The following ATP6V0A2 variants were observed in gnomAD, a reference collection of about 807,000 sequenced individuals.
The protein encoded by ATP6V0A2 is V-type proton ATPase 116 kDa subunit a 2.
Under a neutral mutation model 104.4 loss-of-function variants are expected in ATP6V0A2, and 58 were observed. That is an observed-to-expected ratio of 0.56 (90% CI 0.45 to 0.69). ATP6V0A2 has a LOEUF of 0.69. Among genes scored for constraint, ATP6V0A2 ranks in the 30% least tolerant of loss-of-function variants. The probability of loss-of-function intolerance (pLI) is 0.00; values close to 1 mark genes in which losing one functional copy is unlikely to be tolerated. For synonymous variants in ATP6V0A2, 376 were observed against 397.9 expected (o/e 0.95, Z 0.65); for missense variants, 938 against 1,062.9 (o/e 0.88, Z 1.63).
intron 2 of ATP6V0A2, among the ~76,000 whole-genome samples, chr12:123,720,047 A>C (rs1402543485): frequency 6.6e-6 from 1 of 152,066 alleles, no homozygotes; most frequent in Non-Finnish European, 1.5e-5. Flanking sequence ...CTTTGGGTCT[A>C]TTCTTCCTTT....
At chr12:123,757,477 A>G (rs561578082) in intron 19 of ATP6V0A2, among the ~76,000 whole-genome samples, 9 of 152,126 alleles carry the variant, frequency 5.9e-5, no homozygotes, top group South Asian at 2.1e-4. Context: ...AACTATTATC[A>G]CTGACAAGTA....
chr12:123,748,672 A>G lies in ATP6V0A2; in HGVS notation c.1822A>G (p.Lys608Glu), dbSNP rs942181771. The G allele has an allele frequency of 2.5e-5, 40 of 1,613,910 alleles. No homozygotes were observed. Among genetic ancestry groups the G allele is most frequent in the Non-Finnish European group, 2.8e-5 (33 of 1,179,952 alleles). The change falls in exon 15 of 20, where the codon AAG (lysine) becomes GAG (glutamate). Residue 608 changes from lysine to glutamate, a missense_variant. Physicochemically the swap from Lys to Glu is moderately conservative, Grantham distance 56 (BLOSUM62 1). Transcript: ENST00000330342. ...ATACCTTATATTTATGATTTTCTAC[A>G]AGTGGCTGGTTTTTTCAGCAGAAAC... is the stretch of plus-strand genomic sequence containing the variant. ...FGYLIFMIFY[K>E]WLVFSAETSR... is the part of the protein sequence containing the mutation.
chr12:123,756,707 T>C (rs1956767354), intron 18 of ATP6V0A2, 108 bp from the exon 19 acceptor site: 3 of 1,163,254 alleles, frequency 2.6e-6, no homozygotes, highest in African/African-American at 3.0e-5. Flanking sequence ...TATTATTTTA[T>C]GGGATAATAG....
intron 19 of ATP6V0A2, among the ~76,000 whole-genome samples, chr12:123,757,439 CAA>C (rs35359843): frequency 1.2e-4 from 18 of 149,146 alleles, no homozygotes; most frequent in Admixed American, 2.7e-4. Flanking sequence ...AACTCTGTGT[CAA>C]AAAAAAAAAA....
chr12:123,730,215 C>T (rs1229120470), intron 6 of ATP6V0A2, among the ~76,000 whole-genome samples: 7 of 151,726 alleles, frequency 4.6e-5, no homozygotes, highest in South Asian at 4.2e-4. Flanking sequence ...CCACCGCTCC[C>T]GGCTAATTTT....
intron 2 of ATP6V0A2, among the ~76,000 whole-genome samples, chr12:123,721,861 C>G (rs1044903452): frequency 5.9e-5 from 9 of 152,174 alleles, no homozygotes; most frequent in Non-Finnish European, 7.3e-5. Flanking sequence ...CTGATGGATG[C>G]CCTTTTCTTT....
chr12:123,759,725 C>G lies in ATP6V0A2; in HGVS notation c.*1693C>G, dbSNP rs10846553. 0.71 allele frequency: 107,218 copies of G among 152,058 alleles called. 38,452 individuals carry two copies. Among genetic ancestry groups the G allele is most frequent in the East Asian group, 0.95 (4,907 of 5,176 alleles). 9.4% of individuals were successfully genotyped at this position (152,058 alleles called of 1,614,324 possible). On this transcript the variant is annotated 3_prime_UTR_variant, in exon 20 of 20. Coordinates refer to ENST00000330342, the MANE Select transcript of ATP6V0A2 (RefSeq NM_012463.4). ...TGCTGAGTTTAACGTGGCTGTGCAG[C>G]TGATTTCAAGGCATGAGCTGAACAG...
At chr12:123,720,148 C>G (rs571219921) in intron 2 of ATP6V0A2, among the ~76,000 whole-genome samples, 1 of 152,106 alleles carries the variant, frequency 6.6e-6, no homozygotes, top group Non-Finnish European at 1.5e-5. Flanking sequence ...CCACCACACC[C>G]GGCCTATTTT....
At chr12:123,727,742 T>C (rs1349175124) in intron 5 of ATP6V0A2, 41 bp from the exon 6 acceptor site, 1 of 1,612,816 alleles carries the variant, frequency 6.2e-7, no homozygotes, top group East Asian at 2.2e-5. Flanking sequence ...ATAACATTTA[T>C]TGCTTTCAGT....
rs1305977998 is a variant in ATP6V0A2 at position 123,744,577 on chromosome 12, C to T, written c.1327-20C>T. The T allele has an allele frequency of 6.2e-7, 1 of 1,612,300 alleles. No homozygotes were observed. ...ACACCCTCCAGTAACCATATTCTGC[C>T]CCCGCCTTGCCCTTCACAGATCATG... On this transcript the variant is annotated intron_variant, in intron 11 of 19. Coordinates refer to ENST00000330342, the MANE Select transcript of ATP6V0A2 (RefSeq NM_012463.4). This position sits in a 1 kb window ranked among gnomAD's most constrained non-coding sequence, Gnocchi z 5.4.
intron 9 of ATP6V0A2, among the ~76,000 whole-genome samples, chr12:123,743,208 C>T (rs1244094013): frequency 6.6e-6 from 1 of 152,246 alleles, no homozygotes; most frequent in Non-Finnish European, 1.5e-5. Context: ...CTGCTCTCAC[C>T]CTTCCTTCTT....
At chr12:123,725,298 T>C (rs1322543828) in intron 4 of ATP6V0A2, among the ~76,000 whole-genome samples, 1 of 152,192 alleles carries the variant, frequency 6.6e-6, no homozygotes, top group Non-Finnish European at 1.5e-5. Flanking sequence ...TAAATAAAGT[T>C]TTAAGAGCCA....
At chr12:123,718,370 G>A (rs778490332) in intron 1 of ATP6V0A2, among the ~76,000 whole-genome samples, 61 of 152,050 alleles carry the variant, frequency 4.0e-4, no homozygotes, top group Non-Finnish European at 8.1e-4. Context: ...GATTACAGGC[G>A]TGAGCTACCG....
In ATP6V0A2 at chr12:123,759,772, C is replaced by T. The variant is rs182646256; in HGVS notation, c.*1740C>T. On this transcript the variant is annotated 3_prime_UTR_variant, in exon 20 of 20. Coordinates refer to ENST00000330342, the MANE Select transcript of ATP6V0A2 (RefSeq NM_012463.4). ...ACAGCGTTGACACAGCCGTGACTTACAATTAAACCCTTTCAATTACAGTAC... is the reference window on the plus strand; with the variant it reads ...ACAGCGTTGACACAGCCGTGACTTATAATTAAACCCTTTCAATTACAGTAC... 2 of 152,300 alleles carry T rather than the reference C, an allele frequency of 1.3e-5. No homozygotes were observed. The highest frequency in any genetic ancestry group is 6.5e-5 in the Admixed American group (1 of 15,296). 9.4% of individuals were successfully genotyped at this position (152,300 alleles called of 1,614,324 possible). A position where few individuals can be genotyped will look rare whatever the true frequency, so the allele number is the denominator to read the frequency against.
intron 1 of ATP6V0A2, among the ~76,000 whole-genome samples, chr12:123,713,467 A>G (rs1201034225): frequency 6.6e-6 from 1 of 152,094 alleles, no homozygotes; most frequent in African/African-American, 2.4e-5. Context: ...AACCTCTGAG[A>G]GTAAGTACCT....
rs201325140 is a variant in ATP6V0A2, at chr12:123,752,395, G to T, written c.2168G>T (p.Cys723Phe). The T allele has an allele frequency of 1.9e-6, 3 of 1,614,132 alleles. No individual in the cohort carries two copies. In the Admixed American group the frequency reaches 5.0e-5, roughly 27 times the overall value. Reference protein sequence around the residue: ...QVEDGCREMACEEFNFGEILM... With the variant: ...QVEDGCREMAFEEFNFGEILM... Reference sequence around the variant, plus strand: ...GAAGATGGATGTAGAGAAATGGCGTGTGAAGAGGTAAATCTTTTCAACTGC... The same window carrying T: ...GAAGATGGATGTAGAGAAATGGCGTTTGAAGAGGTAAATCTTTTCAACTGC... Residue 723 changes from cysteine (C) to phenylalanine (F), a missense_variant, in exon 17 of 20, where the codon TGT (cysteine) becomes TTT (phenylalanine). Cys to Phe is a radical substitution (Grantham distance 205). Coordinates refer to ENST00000330342, the MANE Select transcript of ATP6V0A2 (RefSeq NM_012463.4).
chr12:123,740,817 C>T (rs1425906676), intron 9 of ATP6V0A2, among the ~76,000 whole-genome samples: 1 of 152,124 alleles, frequency 6.6e-6, no homozygotes, highest in Non-Finnish European at 1.5e-5. Flanking sequence ...GGGTTCTTCA[C>T]TTTTGTGTTC....
intron 9 of ATP6V0A2, chr12:123,739,109 GA>G (rs1467220947): frequency 6.6e-6 from 1 of 152,266 alleles, no homozygotes; most frequent in African/African-American, 2.4e-5. Context: ...GATTCAGATC[GA>G]GCCCATGGTG....
At chr12:123,719,848 T>A (rs949668479) in intron 2 of ATP6V0A2, among the ~76,000 whole-genome samples, 1 of 152,090 alleles carries the variant, frequency 6.6e-6, no homozygotes, top group East Asian at 1.9e-4. Context: ...AAACAAACTT[T>A]GCCTACGGCC....
Sources: gnomAD v4.1 joint callset for allele counts (sites outside exome capture counted in the v4.1 genomes callset) on GRCh38, gnomAD v4.1.1 for gene constraint, Gnocchi (gnomAD v3.1) non-coding constraint, MANE v1.5 for transcripts, NCBI Gene and HGNC (gene_info 2026-07-23, HGNC 2026-07-21) for gene names.